BOP1: variants seen among roughly 807,000 people sequenced by gnomAD.
The protein encoded by BOP1 is BOP1 ribosomal biogenesis factor.
In BOP1, 54 loss-of-function variants were observed where a neutral mutation model predicts 82.9. The observed-to-expected ratio is 0.65, with a 90% CI of 0.52 to 0.82. The LOEUF (loss-of-function observed/expected upper bound fraction) is 0.82. Among genes scored for constraint, BOP1 ranks in the 40% least tolerant of loss-of-function variants. The probability of loss-of-function intolerance (pLI) is 0.00; values close to 1 mark genes in which losing one functional copy is unlikely to be tolerated. For missense variants in BOP1, 1,170 were observed against 1,072.0 expected (o/e 1.09, Z -1.28); for synonymous variants, 566 against 451.1 (o/e 1.25, Z -3.23).
chr8:144,266,439 C>CG (rs1185292562), intron 3 of BOP1: 3 of 927,926 alleles, frequency 3.2e-6, no homozygotes, highest in Admixed American at 6.2e-5. Flanking sequence ...AGGCGCAGCT[C>CG]GGGGCCCCGC....
intron 12 of BOP1, 31 bp from the exon 13 acceptor site, chr8:144,263,172 G>A (rs782358534): frequency 3.8e-6 from 6 of 1,592,576 alleles, no homozygotes; most frequent in Middle Eastern, 2.2e-4. Flanking sequence ...CTGAGTGGCT[G>A]AGCCGGGCCC....
chr8:144,263,707 G>A lies in BOP1; in HGVS notation c.1276C>T (p.Gln426Ter). ...VRCLSVSPGG[Q>*]WLVSGSDDGS... Reference sequence around the variant, plus strand: ...TCGGACCCACCTGAAACCAGCCACTGGCCCCCAGGAGAGACACTGAGGCAC... The same window carrying A: ...TCGGACCCACCTGAAACCAGCCACTAGCCCCCAGGAGAGACACTGAGGCAC... Residue 426 changes from glutamine (Q) to a stop codon, truncating the protein, a stop_gained, in exon 10 of 16, where the codon CAG (glutamine) becomes TAG (stop). Transcript: ENST00000569669. LOFTEE classifies it high-confidence loss of function. 1 of 1,574,128 alleles carries A rather than the reference G, an allele frequency of 6.4e-7. No homozygotes were observed. The highest frequency in any genetic ancestry group is 2.3e-5 in the East Asian group (1 of 42,634).
intron 2 of BOP1, among the ~76,000 whole-genome samples, chr8:144,278,163 G>A (rs760811320): frequency 5.3e-5 from 8 of 152,226 alleles, no homozygotes; most frequent in South Asian, 2.1e-4. Context: ...GTGGGCGGGC[G>A]AGCGCCACTG....
At chr8:144,268,939 A>G in intron 3 of BOP1, among the ~76,000 whole-genome samples, 1 of 133,848 alleles carries the variant, frequency 7.5e-6, no homozygotes. Context: ...TGTGCTGCCC[A>G]GCGGAGGGGG....
At chr8:144,267,289 C>T in intron 3 of BOP1, 1 of 1,281,194 alleles carries the variant, frequency 7.8e-7, no homozygotes. Flanking sequence ...CAACAGGGCA[C>T]AGGCAGGCAC....
chr8:144,274,647 C>T (rs1845542022), intron 3 of BOP1, among the ~76,000 whole-genome samples: 1 of 152,198 alleles, frequency 6.6e-6, no homozygotes, highest in African/African-American at 2.4e-5. Flanking sequence ...CTCAGACCAA[C>T]ATATGGGATA....
intron 3 of BOP1, chr8:144,266,228 TA>T (rs1337230832): frequency 1.3e-5 from 2 of 152,084 alleles, no homozygotes; most frequent in African/African-American, 4.8e-5. Flanking sequence ...GGGCCCTGAG[TA>T]ACTACAGCCC....
chr8:144,280,852 G>GA (rs112319028), intron 2 of BOP1, among the ~76,000 whole-genome samples: 105 of 143,130 alleles, frequency 7.3e-4, no homozygotes, highest in Admixed American at 6.2e-4. Context: ...TCTTGTCTCA[G>GA]AAAAAAAAAA....
At chr8:144,263,959 C>T in intron 8 of BOP1, 22 bp downstream of exon 8, 1 of 1,611,242 alleles carries the variant, frequency 6.2e-7, no homozygotes, top group Non-Finnish European at 8.5e-7. Context: ...TGCCACCCCC[C>T]TGGTGTGCCA....
In BOP1 at chr8:144,264,592, C is replaced by CG; in HGVS notation, c.687_688insC (p.Asp230ArgfsTer53). ...TTGGTCACCGGGTGGATCATGACGTCCCCGCTGAAGAAGTCGACAGCCGGC... is the reference window on the plus strand; with the variant it reads ...TTGGTCACCGGGTGGATCATGACGTCGCCCGCTGAAGAAGTCGACAGCCGGC... On this transcript the variant is annotated frameshift_variant, in exon 6 of 16. Transcript: ENST00000569669. LOFTEE classifies it high-confidence loss of function. 1 of 1,606,350 alleles carries CG rather than the reference C, an allele frequency of 6.2e-7. No homozygotes were observed. Among genetic ancestry groups the CG allele is most frequent in the Non-Finnish European group, 8.5e-7 (1 of 1,176,910 alleles).
rs1385529249 is a variant in BOP1, at chr8:144,262,156, C to T, written c.*8G>A. On this transcript the variant is annotated 3_prime_UTR_variant, in exon 16 of 16. Coordinates refer to ENST00000569669, the MANE Select transcript of BOP1 (RefSeq NM_015201.5). Reference sequence around the variant, plus strand: ...CACGACCACCCCAGCCCCAGGCAGGCAGAACAGCTAGGTGAAGAGGCGGAC... The same window carrying T: ...CACGACCACCCCAGCCCCAGGCAGGTAGAACAGCTAGGTGAAGAGGCGGAC... The T allele has an allele frequency of 6.2e-7, 1 of 1,612,066 alleles. No individual in the cohort carries two copies. Among genetic ancestry groups the T allele is most frequent in the African/African-American group, 1.3e-5 (1 of 74,888 alleles).
chr8:144,277,888 T>C (rs67446140), intron 2 of BOP1, among the ~76,000 whole-genome samples: 78,583 of 125,536 alleles, frequency 0.63, 20,760 homozygotes, highest in South Asian at 0.69. Flanking sequence ...AGGCAGATGC[T>C]GTGGGGCATT....
At chr8:144,278,021 C>A (rs1007740327) in intron 2 of BOP1, among the ~76,000 whole-genome samples, 1 of 152,242 alleles carries the variant, frequency 6.6e-6, no homozygotes, top group Non-Finnish European at 1.5e-5. Flanking sequence ...CCTCCCGCCA[C>A]GCCCATGCCT....
chr8:144,280,852 GAAA>G (rs112319028), intron 2 of BOP1, among the ~76,000 whole-genome samples: 1 of 143,336 alleles, frequency 7.0e-6, no homozygotes, highest in Non-Finnish European at 1.5e-5. Flanking sequence ...TCTTGTCTCA[GAAA>G]AAAAAAAAAA....
intron 3 of BOP1, chr8:144,266,940 C>A: frequency 6.4e-7 from 1 of 1,560,084 alleles, no homozygotes; most frequent in East Asian, 2.4e-5. Flanking sequence ...CCGCCGACCG[C>A]AAGCTCTCCA....
intron 2 of BOP1, 101 bp from the exon 3 acceptor site, chr8:144,276,405 C>T (rs1845568669): frequency 7.4e-7 from 1 of 1,346,812 alleles, no homozygotes; most frequent in Non-Finnish European, 1.0e-6. Flanking sequence ...CTCTGAGCAG[C>T]TCCAGCCTGG....
At chr8:144,280,101 T>A (rs1191301202) in intron 2 of BOP1, among the ~76,000 whole-genome samples, 1 of 152,166 alleles carries the variant, frequency 6.6e-6, no homozygotes, top group Non-Finnish European at 1.5e-5. Flanking sequence ...CTACAAAATA[T>A]CTGTTTGATG....
chr8:144,278,213 G>A (rs1373488781), intron 2 of BOP1, among the ~76,000 whole-genome samples: 1 of 148,296 alleles, frequency 6.7e-6, no homozygotes, highest in Non-Finnish European at 1.5e-5. Flanking sequence ...CGGGTGGGCA[G>A]GGAGCCGCCG....
rs1845219865 is a variant in BOP1, at chr8:144,262,384, G to A, written c.2087+12C>T. On this transcript the variant is annotated intron_variant, in intron 15 of 15. Coordinates refer to ENST00000569669, the MANE Select transcript of BOP1 (RefSeq NM_015201.5). ...TGCCCTGGGGAGGGGGCCAGGCAGG[G>A]TCAGCACTCACTTGTACACCATGCC... 6.2e-7 allele frequency: 1 copy of A among 1,612,726 alleles called. No homozygotes were observed. The highest frequency in any genetic ancestry group is 8.5e-7 in the Non-Finnish European group (1 of 1,179,800).
Sources: gnomAD v4.1 joint callset for allele counts (sites outside exome capture counted in the v4.1 genomes callset) on GRCh38, gnomAD v4.1.1 for gene constraint, MANE v1.5 for transcripts, NCBI Gene and HGNC (gene_info 2026-07-23, HGNC 2026-07-21) for gene names.